Variants in IL3RA observed in about 807,000 individuals in gnomAD.
The protein encoded by IL3RA is interleukin 3 receptor subunit alpha.
IL3RA carries 73 observed loss-of-function variants against 52.3 expected under a neutral mutation model. The observed-to-expected ratio is 1.40, with a 90% CI of 1.16 to 1.70. IL3RA has a LOEUF of 1.70. IL3RA is among the 40% of genes most tolerant of loss of function. The probability of loss-of-function intolerance (pLI) is 0.00; values close to 1 mark genes in which losing one functional copy is unlikely to be tolerated. For synonymous variants in IL3RA, 260 were observed against 194.0 expected, an observed-to-expected ratio of 1.34 and a Z score of -2.83; for missense variants, 664 against 504.4, an observed-to-expected ratio of 1.32 and a Z score of -3.03.
chrX:1,367,767 G>GTGAGCGGGGTGCGCGGGC (rs1569526955), intron 9 of IL3RA, among the ~76,000 whole-genome samples: 17 of 138,988 alleles, frequency 1.2e-4, no homozygotes, highest in African/African-American at 4.0e-4. Flanking sequence ...GGTGCGCCGG[G>GTGAGCGGGGTGCGCGGGC]TGAGCGGGGT....
intron 7 of IL3RA, 43 bp downstream of exon 7, chrX:1,356,379 A>G: frequency 8.3e-7 from 1 of 1,211,082 alleles, no homozygotes; most frequent in Non-Finnish European, 1.1e-6. Flanking sequence ...CCCCGTGGAC[A>G]TCCCTTATTT....
chrX:1,382,481 C>T lies in IL3RA; in HGVS notation c.*16C>T. 6.2e-7 allele frequency: 1 copy of T among 1,611,790 alleles called. No individual in the cohort carries two copies. The highest frequency in any genetic ancestry group is 8.5e-7 in the Non-Finnish European group (1 of 1,178,184). Reference sequence around the variant, plus strand: ...GAAAACTTGAGACTGGGGTTCAGGGCTTGTGGGGGTCTGCCTCAATCTCCC... The same window carrying T: ...GAAAACTTGAGACTGGGGTTCAGGGTTTGTGGGGGTCTGCCTCAATCTCCC... On this transcript the variant is annotated 3_prime_UTR_variant, in exon 12 of 12. Transcript: ENST00000331035.
At chrX:1,344,290 C>T (rs1439623034) in intron 2 of IL3RA, among the ~76,000 whole-genome samples, 7 of 150,806 alleles carry the variant, frequency 4.6e-5, no homozygotes, top group South Asian at 2.1e-4. Flanking sequence ...AAAAATTAGC[C>T]GAGTGTGGTG....
At chrX:1,364,348 G>A (rs1265874606) in intron 8 of IL3RA, among the ~76,000 whole-genome samples, 9 of 151,396 alleles carry the variant, frequency 5.9e-5, no homozygotes, top group Admixed American at 1.3e-4. Context: ...AAAATTAACC[G>A]AGCGTGGTGG....
intron 8 of IL3RA, among the ~76,000 whole-genome samples, chrX:1,359,483 C>G (rs1220981551): frequency 1.3e-5 from 2 of 151,782 alleles, no homozygotes; most frequent in Non-Finnish European, 2.9e-5. Context: ...CTCTCTTTCT[C>G]TCTCTCTCGT....
rs867789436 is a variant in IL3RA at position 1,348,690 on chromosome X, C to G, written c.298+145C>G. 7 of 481,438 alleles carry G rather than the reference C, an allele frequency of 1.5e-5. No homozygotes were observed. The South Asian group carries it at 1.6e-4, about 11-fold the overall frequency. The allele number at this position is 481,438 out of a possible 1,614,324, so 29.8% of individuals were successfully genotyped here. ...TCTTTCTTTCTTTCTTTCTTTCTTT[C>G]TTTTTCTTTCTTTCTGTTTCTGTTT... On this transcript the variant is annotated intron_variant, in intron 4 of 11. Coordinates refer to ENST00000331035, the MANE Select transcript of IL3RA (RefSeq NM_002183.4).
At chrX:1,349,701 C>T (rs192823287) in intron 4 of IL3RA, among the ~76,000 whole-genome samples, 5 of 151,832 alleles carry the variant, frequency 3.3e-5, no homozygotes, top group Non-Finnish European at 5.9e-5. Context: ...TTGTTCTTGT[C>T]GCCCAGGCTG....
intron 4 of IL3RA, among the ~76,000 whole-genome samples, chrX:1,351,701 T>C (rs1264773054): frequency 6.7e-6 from 1 of 149,012 alleles, no homozygotes; most frequent in Non-Finnish European, 1.5e-5. Flanking sequence ...TGATCTCAGC[T>C]CCATGCAACC....
At chrX:1,352,557 C>T (rs1230546893) in intron 6 of IL3RA, 51 bp downstream of exon 6, 1 of 1,572,512 alleles carries the variant, frequency 6.4e-7, no homozygotes, top group African/African-American at 1.3e-5. Context: ...GATACCACGG[C>T]TTTAGCGCCA....
At chrX:1,345,999 G>C (rs1300763663) in intron 3 of IL3RA, among the ~76,000 whole-genome samples, 1 of 151,988 alleles carries the variant, frequency 6.6e-6, no homozygotes, top group Admixed American at 6.6e-5. Context: ...AGTGAAATGA[G>C]GCTAAGCTAT....
intron 3 of IL3RA, among the ~76,000 whole-genome samples, chrX:1,347,352 G>T (rs17879056): frequency 0.052 from 7,916 of 151,318 alleles, 321 homozygotes; most frequent in Middle Eastern, 0.082. Context: ...GCTGAGGCAG[G>T]AGAATGGCTT....
chrX:1,379,352 C>T (rs2089015453), intron 10 of IL3RA, among the ~76,000 whole-genome samples: 1 of 151,178 alleles, frequency 6.6e-6, no homozygotes, highest in African/African-American at 2.4e-5. Flanking sequence ...GACGGGGTTT[C>T]ACCATGTTGG....
At chrX:1,349,508 C>T (rs1416174028) in intron 4 of IL3RA, among the ~76,000 whole-genome samples, 1 of 151,716 alleles carries the variant, frequency 6.6e-6, no homozygotes, top group Admixed American at 6.6e-5. Context: ...GATGGGGTGT[C>T]GCTATGTTAC....
rs2087313568 is a variant in IL3RA at position 1,361,199 on chromosome X, T to C, written c.759+2312T>C. Among the ~76,000 whole-genome samples, 2 of 61,524 alleles carry C rather than the reference T, an allele frequency of 3.3e-5. 1 individual carries two copies. The highest frequency in any genetic ancestry group is 6.5e-5 in the Non-Finnish European group (2 of 30,800). The allele number at this position is 61,524 out of a possible 152,430, so 40.4% of individuals were successfully genotyped here. On this transcript the variant is annotated intron_variant, in intron 8 of 11. Transcript: ENST00000331035. ...TCCCTTCCCCTCTCTCTCTCTCCAT[T>C]CCCCTGTCTCTATGTCTCTCCCTTT...
chrX:1,341,874 G>C, intron 2 of IL3RA, 45 bp downstream of exon 2: 2 of 1,591,254 alleles, frequency 1.3e-6, no homozygotes, highest in Non-Finnish European at 8.6e-7. Flanking sequence ...GGGAGCGGTG[G>C]GGGTAGACAG....
rs1218099994 is a variant in IL3RA at position 1,381,055 on chromosome X, T to C, written c.1013T>C (p.Ile338Thr). The change falls in exon 11 of 12, where the codon ATC (isoleucine) becomes ACC (threonine). Residue 338 changes from isoleucine (I) to threonine (T), a missense_variant. Coordinates refer to ENST00000331035, the MANE Select transcript of IL3RA (RefSeq NM_002183.4). ...GTGATGCAGAGACTCTTTCCCCGCATCCCTCACATGAAAGACCCCATCGGT... is the reference window on the plus strand; with the variant it reads ...GTGATGCAGAGACTCTTTCCCCGCACCCCTCACATGAAAGACCCCATCGGT... ...YLVMQRLFPR[I>T]PHMKDPIGDS... The C allele has an allele frequency of 1.2e-6, 2 of 1,613,818 alleles. No individual in the cohort carries two copies. The highest frequency in any genetic ancestry group is 3.3e-5 in the Admixed American group (2 of 60,002).
chrX:1,360,177 T>TTC (rs1302595866), intron 8 of IL3RA, among the ~76,000 whole-genome samples: 291 of 136,572 alleles, frequency 2.1e-3, no homozygotes, highest in African/African-American at 7.7e-3. Context: ...CCCTCCATCT[T>TTC]TCTCTCTCTC....
rs1384196468 is a variant in IL3RA, at chrX:1,361,177, C to A, written c.759+2290C>A. Among the ~76,000 whole-genome samples the A allele has an allele frequency of 1.5e-4, 17 of 116,520 alleles. 1 individual carries two copies. Among genetic ancestry groups the A allele is most frequent in the South Asian group, 6.3e-4 (2 of 3,182 alleles). 76.4% of individuals were successfully genotyped at this position (116,520 alleles called of 152,430 possible). The stretch of plus-strand genomic sequence containing the variant: ...CCTTTCCTTCTCTGTCTCTCTCTCC[C>A]TTCCCCTCTCTCTCTCTCCATTCCC... On this transcript the variant is annotated intron_variant, in intron 8 of 11. Transcript: ENST00000331035.
intron 8 of IL3RA, among the ~76,000 whole-genome samples, chrX:1,359,953 G>C (rs779860101): frequency 2.1e-5 from 3 of 139,938 alleles, no homozygotes; most frequent in African/African-American, 5.5e-5. Context: ...CTGTTTCTCC[G>C]TGTCTGTCTC....
Sources: allele counts gnomAD v4.1 joint callset (sites outside exome capture counted in the v4.1 genomes callset), GRCh38; gene constraint gnomAD v4.1.1; transcripts MANE v1.5; gene names NCBI Gene and HGNC (gene_info 2026-07-23, HGNC 2026-07-21).